WDSUB1: variants seen among roughly 807,000 people sequenced by gnomAD.
WDSUB1 encodes WD repeat, SAM and U-box domain-containing protein 1.
In WDSUB1, 49 loss-of-function variants were observed where a neutral mutation model predicts 53.9. That is an observed-to-expected ratio of 0.91 (90% CI 0.72 to 1.15). WDSUB1 has a LOEUF of 1.15. Ranked by LOEUF, WDSUB1 falls within the 50% of genes most tolerant of loss-of-function variation. WDSUB1 has a pLI of 0.00. For synonymous variants in WDSUB1, 194 were observed against 200.6 expected (o/e 0.97, Z 0.28); for missense variants, 514 against 562.0 (o/e 0.91, Z 0.86).
chr2:159,271,806 C>A lies in WDSUB1; in HGVS notation c.677-11G>T. On this transcript the variant is annotated splice_polypyrimidine_tract_variant and intron_variant, in intron 4 of 10. Transcript: ENST00000359774. ...ATTTTAATTCAAAACCTGCAAATAA[C>A]AAGGTAACAGAGATTAGAAAGCTGA... The A allele has an allele frequency of 1.2e-6, 2 of 1,606,908 alleles. No individual in the cohort carries two copies. Among genetic ancestry groups the A allele is most frequent in the Non-Finnish European group, 1.7e-6 (2 of 1,173,970 alleles).
intron 10 of WDSUB1, among the ~76,000 whole-genome samples, chr2:159,247,928 A>AT: frequency 1.5e-5 from 1 of 67,694 alleles, no homozygotes; most frequent in South Asian, 4.7e-4. Context: ...TATATATATA[A>AT]ATATATATAT....
chr2:159,259,506 C>T (rs2061144318), intron 6 of WDSUB1, among the ~76,000 whole-genome samples: 1 of 152,212 alleles, frequency 6.6e-6, no homozygotes, highest in South Asian at 2.1e-4. Context: ...ATTATGGAAG[C>T]CTGGTGTAAA....
At chr2:159,277,625 CAG>C (rs2061571115) in intron 3 of WDSUB1, among the ~76,000 whole-genome samples, 1 of 152,128 alleles carries the variant, frequency 6.6e-6, no homozygotes, top group African/African-American at 2.4e-5. Context: ...CAGGTGCAAA[CAG>C]GATTATTTTT....
In WDSUB1 at chr2:159,235,956, T is replaced by C. The variant is rs1390410201; in HGVS notation, c.*77A>G. On this transcript the variant is annotated 3_prime_UTR_variant, in exon 11 of 11. Transcript: ENST00000359774. Reference sequence around the variant, plus strand: ...TACCTTTTTCCTGTTTTGCTTTTAATAATGTCTGATTAGTATTTACCTATA... The same window carrying C: ...TACCTTTTTCCTGTTTTGCTTTTAACAATGTCTGATTAGTATTTACCTATA... The C allele has an allele frequency of 1.5e-6, 2 of 1,304,492 alleles. No individual in the cohort carries two copies. The highest frequency in any genetic ancestry group is 5.5e-5 in the East Asian group (2 of 36,466). 80.8% of individuals were successfully genotyped at this position (1,304,492 alleles called of 1,614,324 possible). A position where few individuals can be genotyped will look rare whatever the true frequency, so the allele number is the denominator to read the frequency against.
At chr2:159,258,103 CTAACA>C in intron 6 of WDSUB1, 118 bp from the exon 7 acceptor site, 1 of 854,976 alleles carries the variant, frequency 1.2e-6, no homozygotes, top group Non-Finnish European at 1.9e-6. Flanking sequence ...TTATTAGTAA[CTAACA>C]TAAGTTGAAA....
At chr2:159,258,700 G>A (rs2061123129) in intron 6 of WDSUB1, among the ~76,000 whole-genome samples, 1 of 152,064 alleles carries the variant, frequency 6.6e-6, no homozygotes, top group African/African-American at 2.4e-5. Context: ...AGTACACTAA[G>A]GTGTCCATCT....
chr2:159,265,376 C>T (rs1054067626), intron 5 of WDSUB1, among the ~76,000 whole-genome samples: 1 of 152,070 alleles, frequency 6.6e-6, no homozygotes, highest in Non-Finnish European at 1.5e-5. Flanking sequence ...TTTAAAAACT[C>T]ATTTCCAAGG....
At chr2:159,268,376 A>G (rs975293633) in intron 5 of WDSUB1, among the ~76,000 whole-genome samples, 2 of 152,238 alleles carry the variant, frequency 1.3e-5, no homozygotes, top group Non-Finnish European at 2.9e-5. Context: ...AAACTTTCCA[A>G]TGATTTAAAT....
At position 159,247,949 on chromosome 2, in the gene WDSUB1, T is replaced by C. The variant is rs1291339245; in HGVS notation, c.1273+423A>G. Among the ~76,000 whole-genome samples the C allele has an allele frequency of 8.0e-5, 7 of 87,282 alleles. 1 individual carries two copies. Among genetic ancestry groups the C allele is most frequent in the African/African-American group, 2.6e-4 (7 of 26,718 alleles). The allele number at this position is 87,282 out of a possible 152,430, so 57.3% of individuals were successfully genotyped here. Reference sequence around the variant, plus strand: ...TATAAATATATATATATATAAAATTTGGATTCACTGATTACAACTATGTAT... The same window carrying C: ...TATAAATATATATATATATAAAATTCGGATTCACTGATTACAACTATGTAT... On this transcript the variant is annotated intron_variant, in intron 10 of 10. Coordinates refer to ENST00000359774, the MANE Select transcript of WDSUB1 (RefSeq NM_001128212.3).
chr2:159,260,816 GT>G (rs1245246610), intron 5 of WDSUB1, among the ~76,000 whole-genome samples: 1 of 152,148 alleles, frequency 6.6e-6, no homozygotes, highest in Non-Finnish European at 1.5e-5. Context: ...ACACTACAAG[GT>G]GAAAAAACAT....
chr2:159,262,484 A>C (rs1416189840), intron 5 of WDSUB1, among the ~76,000 whole-genome samples: 1 of 151,880 alleles, frequency 6.6e-6, no homozygotes, highest in African/African-American at 2.4e-5. Context: ...AAGGCCAAAC[A>C]TGAATAAACC....
chr2:159,238,528 CT>C (rs1282188175), intron 10 of WDSUB1, among the ~76,000 whole-genome samples: 1 of 152,196 alleles, frequency 6.6e-6, no homozygotes, highest in African/African-American at 2.4e-5. Context: ...CAATTTTATC[CT>C]TTTCCACAGG....
chr2:159,281,566 C>T (rs774754484), intron 2 of WDSUB1, among the ~76,000 whole-genome samples: 1 of 152,092 alleles, frequency 6.6e-6, no homozygotes, highest in Non-Finnish European at 1.5e-5. Flanking sequence ...AACACATCAC[C>T]ACCACACCAG....
intron 5 of WDSUB1, among the ~76,000 whole-genome samples, chr2:159,264,656 C>T (rs1558860127): frequency 2.6e-5 from 4 of 152,074 alleles, no homozygotes; most frequent in African/African-American, 9.7e-5. Flanking sequence ...TGGATTTTCT[C>T]TTTTTTCTGA....
chr2:159,274,658 C>A (rs934586316), intron 4 of WDSUB1, among the ~76,000 whole-genome samples: 2 of 146,368 alleles, frequency 1.4e-5, no homozygotes, highest in African/African-American at 5.5e-5. Context: ...GTCCCCAGTC[C>A]TTCACCCAGA....
intron 4 of WDSUB1, among the ~76,000 whole-genome samples, chr2:159,274,722 C>T (rs777514537): frequency 6.6e-6 from 1 of 152,208 alleles, no homozygotes; most frequent in Non-Finnish European, 1.5e-5. Context: ...TAACGAACCA[C>T]TTCTGTGCAC....
rs111752652 is a variant in WDSUB1, at chr2:159,280,708, A to AAAAAAAAAAAAAAC, written c.399-764_399-763insGTTTTTTTTTTTTT. Among the ~76,000 whole-genome samples, 4 of 134,320 alleles carry AAAAAAAAAAAAAAC rather than the reference A, an allele frequency of 3.0e-5. 1 individual carries two copies. Among genetic ancestry groups the AAAAAAAAAAAAAAC allele is most frequent in the African/African-American group, 1.3e-4 (4 of 29,636 alleles). 88.1% of individuals were successfully genotyped at this position (134,320 alleles called of 152,430 possible). On this transcript the variant is annotated intron_variant, in intron 2 of 10. Transcript: ENST00000359774. The stretch of plus-strand genomic sequence containing the variant: ...TCCGTCTCAAAAAAAAAAAAAAAAA[A>AAAAAAAAAAAAAAC]ATTACCCAGAAGCAATGGCGAGGTC...
At chr2:159,258,629 G>A (rs7599574) in intron 6 of WDSUB1, among the ~76,000 whole-genome samples, 6 of 152,018 alleles carry the variant, frequency 3.9e-5, no homozygotes, top group African/African-American at 1.2e-4. Context: ...ACTGCACTAC[G>A]GCCTGGGCAA....
intron 4 of WDSUB1, among the ~76,000 whole-genome samples, chr2:159,274,742 A>C (rs559373544): frequency 1.7e-4 from 26 of 152,344 alleles, no homozygotes; most frequent in Admixed American, 1.1e-3. Flanking sequence ...CAGAGCTTCT[A>C]AACATTGTCT....
Sources: gnomAD v4.1 joint callset for allele counts (sites outside exome capture counted in the v4.1 genomes callset) on GRCh38, gnomAD v4.1.1 for gene constraint, MANE v1.5 for transcripts, NCBI Gene and HGNC (gene_info 2026-07-23, HGNC 2026-07-21) for gene names.